Variants in CDH13 observed in about 807,000 individuals in gnomAD.
The protein encoded by CDH13 is cadherin 13.
Under a neutral mutation model 63.8 loss-of-function variants are expected in CDH13, and 24 were observed. The ratio of observed to expected loss-of-function variants is 0.38; its 90% confidence interval spans 0.27 to 0.53. The LOEUF is 0.53. Ranked by LOEUF, CDH13 falls within the 20% of genes least tolerant of loss-of-function variation. The probability of loss-of-function intolerance (pLI) is 0.85; values close to 1 mark genes in which losing one functional copy is unlikely to be tolerated. For synonymous variants in CDH13, 503 were observed against 355.3 expected (o/e 1.42, Z -4.67); for missense variants, 1,049 against 903.1 (o/e 1.16, Z -2.07).
chr16:83,219,386 A>T (rs975394820), intron 5 of CDH13, among the ~76,000 whole-genome samples: 4 of 152,216 alleles, frequency 2.6e-5, no homozygotes, highest in African/African-American at 7.2e-5. Context: ...GATTGGCTGC[A>T]TTCAAATCAT....
chr16:83,351,017 A>G (rs2090940851), intron 6 of CDH13, among the ~76,000 whole-genome samples: 1 of 152,248 alleles, frequency 6.6e-6, no homozygotes, highest in South Asian at 2.1e-4. Flanking sequence ...CTTGAGCTAA[A>G]TAAAGATGGC....
At chr16:83,754,210 C>G (rs886779582) in intron 11 of CDH13, among the ~76,000 whole-genome samples, 2 of 152,162 alleles carry the variant, frequency 1.3e-5, no homozygotes, top group Non-Finnish European at 2.9e-5. Context: ...TAGCCATTCT[C>G]TCATTTAAGA....
intron 8 of CDH13, among the ~76,000 whole-genome samples, chr16:83,623,531 T>C (rs1180723481): frequency 6.6e-6 from 1 of 152,166 alleles, no homozygotes; most frequent in Non-Finnish European, 1.5e-5. Flanking sequence ...ACAAAGAATG[T>C]CCGTTGCATT....
intron 2 of CDH13, among the ~76,000 whole-genome samples, chr16:83,005,434 C>G (rs1025113312): frequency 4.6e-5 from 7 of 152,164 alleles, no homozygotes; most frequent in Admixed American, 2.6e-4. Flanking sequence ...GCTGCAGGCA[C>G]GGTACTTCCA....
intron 6 of CDH13, among the ~76,000 whole-genome samples, chr16:83,479,968 G>T (rs567899827): frequency 2.0e-4 from 31 of 152,278 alleles, no homozygotes; most frequent in Admixed American, 2.0e-3. Flanking sequence ...AACACAAGAG[G>T]CTCAGAGAGC....
chr16:83,735,923 G>A (rs1369412325), intron 10 of CDH13: 3 of 152,142 alleles, frequency 2.0e-5, no homozygotes, highest in African/African-American at 7.2e-5. Context: ...TCAGGCCTAG[G>A]AATGCAGGGA....
At chr16:83,298,250 C>G (rs773089592) in intron 5 of CDH13, among the ~76,000 whole-genome samples, 48 of 149,906 alleles carry the variant, frequency 3.2e-4, no homozygotes, top group Non-Finnish European at 5.9e-4. Flanking sequence ...CAACACAAGA[C>G]GAGACAAAAT....
intron 1 of CDH13, among the ~76,000 whole-genome samples, chr16:82,793,529 T>C (rs1298415113): frequency 1.3e-5 from 2 of 152,252 alleles, no homozygotes; most frequent in African/African-American, 4.8e-5. Flanking sequence ...ACCGTTCTCC[T>C]GAATGGTTAT....
At chr16:83,138,471 C>T (rs1283443956) in intron 4 of CDH13, among the ~76,000 whole-genome samples, 1 of 152,134 alleles carries the variant, frequency 6.6e-6, no homozygotes, top group Non-Finnish European at 1.5e-5. Flanking sequence ...GGGAAGAAAG[C>T]GCTCTCCAGG....
chr16:82,704,709 G>C (rs1353667908), intron 1 of CDH13, among the ~76,000 whole-genome samples: 1 of 152,146 alleles, frequency 6.6e-6, no homozygotes, highest in Non-Finnish European at 1.5e-5. Flanking sequence ...CTAAGGATAT[G>C]CCGTCAAATA....
intron 1 of CDH13, among the ~76,000 whole-genome samples, chr16:82,837,267 G>A (rs1485713882): frequency 6.6e-6 from 1 of 152,176 alleles, no homozygotes. Context: ...TAGTGGTGGT[G>A]AGCATGGGGA....
chr16:83,714,920 G>A (rs1414823618), intron 10 of CDH13, among the ~76,000 whole-genome samples: 1 of 152,218 alleles, frequency 6.6e-6, no homozygotes, highest in South Asian at 2.1e-4. Flanking sequence ...TTAAGAGAAA[G>A]GAAAAGTCTT....
intron 10 of CDH13, among the ~76,000 whole-genome samples, chr16:83,744,897 G>C (rs1286422750): frequency 6.6e-6 from 1 of 152,198 alleles, no homozygotes; most frequent in Non-Finnish European, 1.5e-5. Context: ...TGTGATGCTG[G>C]CAATGTGAAC....
chr16:83,712,599 C>T (rs896382114), intron 10 of CDH13, among the ~76,000 whole-genome samples: 3 of 152,186 alleles, frequency 2.0e-5, no homozygotes, highest in Non-Finnish European at 4.4e-5. Flanking sequence ...TGTACCTGTA[C>T]AAGCCAGCAA....
At chr16:83,451,553 G>A (rs1004696382) in intron 6 of CDH13, among the ~76,000 whole-genome samples, 3 of 152,074 alleles carry the variant, frequency 2.0e-5, no homozygotes, top group Admixed American at 6.5e-5. Context: ...AGGCTCTTCC[G>A]CTGTCATCCA....
chr16:82,828,730 A>C (rs1230315483), intron 1 of CDH13, among the ~76,000 whole-genome samples: 1 of 152,146 alleles, frequency 6.6e-6, no homozygotes, highest in African/African-American at 2.4e-5. Flanking sequence ...TCAAAGAAAA[A>C]ATAATACAAA....
At chr16:82,698,171 G>C (rs991963135) in intron 1 of CDH13, among the ~76,000 whole-genome samples, 1 of 152,162 alleles carries the variant, frequency 6.6e-6, no homozygotes, top group South Asian at 2.1e-4. Flanking sequence ...TTGGAGCATT[G>C]GTAAGAATGA....
intron 10 of CDH13, among the ~76,000 whole-genome samples, chr16:83,739,260 A>C (rs55652154): frequency 2.0e-5 from 3 of 151,948 alleles, no homozygotes; most frequent in East Asian, 1.9e-4. Context: ...CCAGCCCCCC[A>C]AAAAAAACCC....
chr16:82,903,101 G>A (rs1387948938), intron 2 of CDH13, among the ~76,000 whole-genome samples: 1 of 152,240 alleles, frequency 6.6e-6, no homozygotes, highest in Non-Finnish European at 1.5e-5. Flanking sequence ...AAGATTCAGA[G>A]ACTTTAAAGC....
Sources: allele counts gnomAD v4.1 joint callset (sites outside exome capture counted in the v4.1 genomes callset), GRCh38; gene constraint gnomAD v4.1.1; transcripts MANE v1.5; gene names NCBI Gene and HGNC (gene_info 2026-07-23, HGNC 2026-07-21).